Variants in RBM20 observed in about 807,000 individuals in gnomAD.
RBM20 encodes the protein RNA binding motif protein 20.
Under a neutral mutation model 110.1 loss-of-function variants are expected in RBM20, and 51 were observed. That is an observed-to-expected ratio of 0.46 (90% CI 0.37 to 0.59). The LOEUF is 0.59. Among genes scored for constraint, RBM20 ranks in the 20% least tolerant of loss-of-function variants. The pLI is 0.00. For missense variants in RBM20, 1,512 were observed against 1,574.9 expected (o/e 0.96, Z 0.68); for synonymous variants, 589 against 618.2 (o/e 0.95, Z 0.70).
intron 5 of RBM20, among the ~76,000 whole-genome samples, chr10:110,797,128 C>G (rs1028727141): frequency 3.9e-5 from 6 of 152,120 alleles, no homozygotes; most frequent in African/African-American, 1.4e-4. Flanking sequence ...CTCGTTGTTA[C>G]TGCTTATAAA....
chr10:110,826,319 T>C (rs953406414), intron 12 of RBM20, among the ~76,000 whole-genome samples: 2 of 152,192 alleles, frequency 1.3e-5, no homozygotes, highest in African/African-American at 4.8e-5. Context: ...CCTATAAATA[T>C]ACCTGTGAGA....
At chr10:110,752,944 TA>T (rs1238915225) in intron 1 of RBM20, among the ~76,000 whole-genome samples, 4,277 of 72,794 alleles carry the variant, frequency 0.059, 144 homozygotes, top group African/African-American at 0.15. Context: ...TATATATATA[TA>T]TTTTTTTTTT....
intron 1 of RBM20, among the ~76,000 whole-genome samples, chr10:110,680,940 C>A (rs997023212): frequency 2.6e-5 from 4 of 152,210 alleles, no homozygotes; most frequent in Non-Finnish European, 4.4e-5. Context: ...CTTCTTCAGT[C>A]TGTCTCTTAT....
intron 1 of RBM20, among the ~76,000 whole-genome samples, chr10:110,743,878 A>C (rs937327895): frequency 1.3e-5 from 2 of 152,166 alleles, no homozygotes; most frequent in African/African-American, 4.8e-5. Flanking sequence ...AGCTTCCCAG[A>C]GTGCTGGGAT....
intron 9 of RBM20, 37 bp downstream of exon 9, chr10:110,812,984 G>A: frequency 7.5e-7 from 1 of 1,329,676 alleles, no homozygotes. Flanking sequence ...AGGCGAGGCA[G>A]GCCCTGAAGG....
chr10:110,817,848 G>A (rs1174132603), intron 9 of RBM20, among the ~76,000 whole-genome samples: 1 of 152,216 alleles, frequency 6.6e-6, no homozygotes, highest in Non-Finnish European at 1.5e-5. Flanking sequence ...CCGTAGCAGA[G>A]AGCTGGCATT....
At chr10:110,792,175 CTAT>C (rs1844492766) in intron 5 of RBM20, among the ~76,000 whole-genome samples, 1 of 151,680 alleles carries the variant, frequency 6.6e-6, no homozygotes, top group African/African-American at 2.4e-5. Context: ...ATCTATCTAT[CTAT>C]CTATCTATCT....
At chr10:110,658,394 T>C (rs1183810440) in intron 1 of RBM20, among the ~76,000 whole-genome samples, 1 of 152,198 alleles carries the variant, frequency 6.6e-6, no homozygotes, top group East Asian at 1.9e-4. Context: ...TTCTAGGTTA[T>C]CCCAGTTAAT....
At chr10:110,779,254 G>A (rs1429874553) in intron 1 of RBM20, among the ~76,000 whole-genome samples, 2 of 152,188 alleles carry the variant, frequency 1.3e-5, no homozygotes, top group African/African-American at 4.8e-5. Context: ...GAAGGAGAAT[G>A]GGGCTGAAAG....
chr10:110,812,143 C>T, intron 8 of RBM20, 135 bp from the exon 9 acceptor site: 2 of 808,938 alleles, frequency 2.5e-6, no homozygotes. Context: ...CTGTGTGGTT[C>T]TGTAGAGTTG....
Position 110,797,490 on chromosome 10 carries a change from G to A in RBM20, c.1528-18G>A, listed in dbSNP as rs1336820301. The A allele has an allele frequency of 7.2e-6, 11 of 1,537,382 alleles. No individual in the cohort carries two copies. The highest frequency in any genetic ancestry group is 9.7e-6 in the Non-Finnish European group (11 of 1,138,022). On this transcript the variant is annotated intron_variant, in intron 5 of 13. Coordinates refer to ENST00000369519, the MANE Select transcript of RBM20 (RefSeq NM_001134363.3). ...GAACCGTCTTCTGAATACCACTAATGATCTTTGTTCCCATTAGTTTGCACA... is the reference window on the plus strand; with the variant it reads ...GAACCGTCTTCTGAATACCACTAATAATCTTTGTTCCCATTAGTTTGCACA...
In RBM20 at chr10:110,656,465, CAT is replaced by C. The variant is rs1491548118; in HGVS notation, c.191+11821_191+11822del. ...TACAAATGAAATCCAAGTATGTACT[CAT>C]GTGTGTGTGTGTGTGTGTGTCTTCT... On this transcript the variant is annotated intron_variant, in intron 1 of 13. Transcript: ENST00000369519. 5.7e-3 allele frequency among the ~76,000 whole-genome samples: 710 copies of C among 123,810 alleles called. 1 individual carries two copies. Among genetic ancestry groups the C allele is most frequent in the African/African-American group, 0.017 (367 of 21,380 alleles). The allele number at this position is 123,810 out of a possible 152,430, so 81.2% of individuals were successfully genotyped here.
At chr10:110,726,990 G>A (rs1390978056) in intron 1 of RBM20, among the ~76,000 whole-genome samples, 3 of 151,992 alleles carry the variant, frequency 2.0e-5, no homozygotes, top group African/African-American at 4.8e-5. Context: ...GGTATCACAG[G>A]TGCCCACCAC....
intron 1 of RBM20, among the ~76,000 whole-genome samples, chr10:110,686,064 C>G (rs541201675): frequency 6.6e-6 from 1 of 152,266 alleles, no homozygotes; most frequent in South Asian, 2.1e-4. Flanking sequence ...GGAGCTTTGA[C>G]AAGTTCTTTA....
At chr10:110,666,555 AG>A (rs1862181973) in intron 1 of RBM20, among the ~76,000 whole-genome samples, 1 of 152,170 alleles carries the variant, frequency 6.6e-6, no homozygotes, top group African/African-American at 2.4e-5. Flanking sequence ...CTGAGGTAGG[AG>A]GATCATTTGA....
chr10:110,649,118 C>A (rs914112617), intron 1 of RBM20, among the ~76,000 whole-genome samples: 5 of 152,112 alleles, frequency 3.3e-5, no homozygotes, highest in Non-Finnish European at 5.9e-5. Context: ...GAACTCTGAT[C>A]TGTTAAGATC....
intron 1 of RBM20, among the ~76,000 whole-genome samples, chr10:110,765,376 T>A (rs1402728033): frequency 6.6e-6 from 1 of 151,942 alleles, no homozygotes; most frequent in African/African-American, 2.4e-5. Flanking sequence ...CGTGTTAAAA[T>A]TCATGAGCAG....
intron 1 of RBM20, among the ~76,000 whole-genome samples, chr10:110,738,252 C>T (rs1306652287): frequency 2.6e-5 from 4 of 152,098 alleles, no homozygotes; most frequent in Non-Finnish European, 2.9e-5. Context: ...TACAGCAAAA[C>T]ATAGGCTTTA....
At chr10:110,695,162 T>A (rs1179174951) in intron 1 of RBM20, among the ~76,000 whole-genome samples, 1 of 152,192 alleles carries the variant, frequency 6.6e-6, no homozygotes, top group Non-Finnish European at 1.5e-5. Context: ...TTCTGGCCCC[T>A]GCTGAGTGGA....
Sources: gnomAD v4.1 joint callset for allele counts (sites outside exome capture counted in the v4.1 genomes callset) on GRCh38, gnomAD v4.1.1 for gene constraint, MANE v1.5 for transcripts, NCBI Gene and HGNC (gene_info 2026-07-23, HGNC 2026-07-21) for gene names.